Variants in NETO1 observed in about 807,000 individuals in gnomAD.
NETO1 encodes neuropilin and tolloid like 1.
Under a neutral mutation model 61.3 loss-of-function variants are expected in NETO1, and 26 were observed. The observed-to-expected ratio is 0.42, with a 90% confidence interval of 0.31 to 0.59. NETO1 has a LOEUF of 0.59. Ranked by LOEUF, NETO1 falls within the 20% of genes least tolerant of loss-of-function variation. The pLI is 0.12. For missense variants in NETO1, 531 were observed against 662.8 expected (o/e 0.80, Z 2.18); for synonymous variants, 225 against 225.8 (o/e 1.00, Z 0.03).
intron 3 of NETO1, among the ~76,000 whole-genome samples, chr18:72,862,013 G>A (rs190897644): frequency 3.1e-4 from 47 of 152,142 alleles, no homozygotes; most frequent in Non-Finnish European, 5.7e-4. Context: ...CTGTGGCATC[G>A]TGCGCACCTG....
intron 4 of NETO1, among the ~76,000 whole-genome samples, chr18:72,854,585 T>C (rs1175028125): frequency 6.6e-6 from 1 of 152,200 alleles, no homozygotes; most frequent in Non-Finnish European, 1.5e-5. Context: ...GTACAGTAGA[T>C]ACTGTTACAT....
intron 4 of NETO1, among the ~76,000 whole-genome samples, chr18:72,819,427 T>C (rs2073125559): frequency 6.6e-6 from 1 of 152,222 alleles, no homozygotes. Context: ...TAGTATTTTA[T>C]AATTAGATAA....
intron 4 of NETO1, among the ~76,000 whole-genome samples, chr18:72,841,013 T>C (rs1206490249): frequency 6.6e-6 from 1 of 152,174 alleles, no homozygotes; most frequent in Non-Finnish European, 1.5e-5. Flanking sequence ...AGCACAAGCC[T>C]CAAGAACAAC....
chr18:72,750,727 G>T (rs1468267522), intron 8 of NETO1, 107 bp from the exon 9 acceptor site: 1 of 708,232 alleles, frequency 1.4e-6, no homozygotes, highest in Non-Finnish European at 2.2e-6. Context: ...AGTAAAGCAG[G>T]CTGAGCACAG....
intron 3 of NETO1, among the ~76,000 whole-genome samples, chr18:72,862,445 A>G (rs1258707745): frequency 6.6e-6 from 1 of 152,202 alleles, no homozygotes; most frequent in Non-Finnish European, 1.5e-5. Context: ...GAGCATCTCC[A>G]TAAACACAAA....
chr18:72,860,178 T>C (rs1238148835), intron 3 of NETO1, among the ~76,000 whole-genome samples: 1 of 152,184 alleles, frequency 6.6e-6, no homozygotes, highest in Non-Finnish European at 1.5e-5. Flanking sequence ...TGTCAACATA[T>C]ATGTATCCCG....
intron 4 of NETO1, among the ~76,000 whole-genome samples, chr18:72,805,189 T>C (rs2072635474): frequency 6.6e-6 from 1 of 152,190 alleles, no homozygotes; most frequent in Non-Finnish European, 1.5e-5. Flanking sequence ...AGTATTTTGA[T>C]AGAAATTAGT....
At chr18:72,802,729 C>T (rs2072549658) in intron 4 of NETO1, among the ~76,000 whole-genome samples, 1 of 152,170 alleles carries the variant, frequency 6.6e-6, no homozygotes, top group Admixed American at 6.6e-5. Flanking sequence ...AGCAATGAAT[C>T]AGGACTGTGG....
intron 4 of NETO1, among the ~76,000 whole-genome samples, chr18:72,799,832 T>C (rs866435860): frequency 9.2e-5 from 14 of 152,226 alleles, no homozygotes; most frequent in African/African-American, 3.4e-4. Flanking sequence ...TGTAGACAAA[T>C]AGTCTCCCTG....
In NETO1 at chr18:72,867,273, C is replaced by A; in HGVS notation, c.19G>T (p.Val7Leu). 1 of 1,568,790 alleles carries A rather than the reference C, an allele frequency of 6.4e-7. No homozygotes were observed. Among genetic ancestry groups the A allele is most frequent in the Non-Finnish European group, 8.6e-7 (1 of 1,157,778 alleles). Residue 7 changes from valine to leucine, a missense_variant, in exon 1 of 11, where the codon GTG (valine) becomes TTG (leucine). By Grantham distance (32) the Val-to-Leu change is conservative (BLOSUM62 1). Coordinates refer to ENST00000327305, the MANE Select transcript of NETO1 (RefSeq NM_138966.5). ...CGGGGAGGGTACTCACTGTGAAGCA[C>A]GCTGCGCCCATGGATCATGTCTGTG... MIHGRS[V>L]LHIVASLIIL...
chr18:72,782,461 C>T (rs968578352), intron 7 of NETO1, among the ~76,000 whole-genome samples: 3 of 152,096 alleles, frequency 2.0e-5, no homozygotes, highest in African/African-American at 4.8e-5. Context: ...TAAGTGTTCC[C>T]TTTTTTCCCA....
intron 6 of NETO1, among the ~76,000 whole-genome samples, chr18:72,788,056 A>T (rs575387085): frequency 6.6e-6 from 1 of 152,316 alleles, no homozygotes; most frequent in African/African-American, 2.4e-5. Context: ...GAATATTGCT[A>T]TAGTTAGAAA....
At chr18:72,749,158 C>T (rs985876331) in intron 9 of NETO1, 70 bp from the exon 10 acceptor site, 33 of 932,390 alleles carry the variant, frequency 3.5e-5, no homozygotes, top group Non-Finnish European at 5.5e-5. Flanking sequence ...CAAATATTTA[C>T]TCAAAAGCAT....
intron 4 of NETO1, among the ~76,000 whole-genome samples, chr18:72,854,783 T>C (rs999908599): frequency 1.3e-5 from 2 of 150,612 alleles, no homozygotes; most frequent in Admixed American, 6.6e-5. Flanking sequence ...TTTTTTTGTT[T>C]TTTGATGTTA....
intron 7 of NETO1, among the ~76,000 whole-genome samples, chr18:72,778,462 G>A (rs1233519910): frequency 6.6e-6 from 1 of 152,016 alleles, no homozygotes; most frequent in Admixed American, 6.5e-5. Flanking sequence ...TTTATGACAG[G>A]CAGTCAGGAG....
chr18:72,834,594 C>T, intron 4 of NETO1: 1 of 982,800 alleles, frequency 1.0e-6, no homozygotes, highest in South Asian at 4.7e-5. Flanking sequence ...TTACTCAGAT[C>T]AAAGTCATGT....
chr18:72,861,989 A>G (rs1055902553), intron 3 of NETO1, among the ~76,000 whole-genome samples: 5 of 152,014 alleles, frequency 3.3e-5, no homozygotes, highest in Admixed American at 3.3e-4. Context: ...TCAAGACCCC[A>G]TCCACTCTGG....
At chr18:72,843,945 T>C (rs548221474) in intron 4 of NETO1, among the ~76,000 whole-genome samples, 65 of 152,370 alleles carry the variant, frequency 4.3e-4, no homozygotes, top group African/African-American at 1.6e-3. Context: ...TATTTTAATA[T>C]GCGGATGTCT....
At chr18:72,808,854 G>T (rs540964745) in intron 4 of NETO1, among the ~76,000 whole-genome samples, 1 of 152,294 alleles carries the variant, frequency 6.6e-6, no homozygotes, top group African/African-American at 2.4e-5. Context: ...GGCAGCAGTG[G>T]GACACATGGC....
Sources: allele counts gnomAD v4.1 joint callset (sites outside exome capture counted in the v4.1 genomes callset), GRCh38; gene constraint gnomAD v4.1.1; transcripts MANE v1.5; gene names NCBI Gene and HGNC (gene_info 2026-07-23, HGNC 2026-07-21).